PDE3B: variants seen among roughly 807,000 people sequenced by gnomAD.
PDE3B encodes the protein phosphodiesterase 3B.
A neutral mutation model predicts 116.8 loss-of-function variants in PDE3B; 66 were observed. The ratio of observed to expected loss-of-function variants is 0.56; its 90% CI spans 0.46 to 0.69. PDE3B has a LOEUF of 0.69. PDE3B is among the 30% of genes least tolerant of loss of function. PDE3B has a pLI of 0.00. For missense variants in PDE3B, 1,384 were observed against 1,368.1 expected (o/e 1.01, Z -0.18); for synonymous variants, 595 against 533.6 (o/e 1.12, Z -1.59).
chr11:14,710,037 A>G (rs971756092), intron 1 of PDE3B, among the ~76,000 whole-genome samples: 4 of 152,192 alleles, frequency 2.6e-5, no homozygotes, highest in African/African-American at 9.7e-5. Flanking sequence ...TTGTAGCATA[A>G]AGTCATAGTC....
the PDE3B span, chr11:14,885,854 C>A: frequency 3.1e-6 from 5 of 1,613,360 alleles, no homozygotes; most frequent in Admixed American, 1.7e-5. Context: ...ACAAGGCATT[C>A]CTTTACTACA....
In PDE3B at chr11:14,644,381, T is replaced by C. The variant is rs1402466780; in HGVS notation, c.306T>C (p.Ala102=). 1 of 1,601,766 alleles carries C rather than the reference T, an allele frequency of 6.2e-7. No homozygotes were observed. Among genetic ancestry groups the C allele is most frequent in the South Asian group, 1.1e-5 (1 of 89,626 alleles). The change falls in exon 1 of 16, where the codon GCT becomes GCC. Residue 102 remains alanine (A), a synonymous_variant. Coordinates refer to ENST00000282096, the MANE Select transcript of PDE3B (RefSeq NM_000922.4). The part of the protein sequence containing the change: ...LLLGAEPESW[A]AGAAWLRTLL... ...TGGGCGCGGAACCCGAGAGCTGGGC[T>C]GCCGGGGCCGCCTGGCTGCGGACGC...
rs1285869391 is a variant in PDE3B at position 14,718,516 on chromosome 11, T to G, written c.979-53421T>G. Among the ~76,000 whole-genome samples the G allele has an allele frequency of 1.3e-4, 19 of 149,034 alleles. No individual in the cohort carries two copies. The South Asian group carries it at 3.7e-3, about 29-fold the overall frequency. ...CCTATTCCAAAATTGACCACATAGT[T>G]GGAAGTAAAGCTCTCCTCAGCAAAT... is the stretch of plus-strand genomic sequence containing the variant. On this transcript the variant is annotated intron_variant, in intron 1 of 15. Coordinates refer to ENST00000282096, the MANE Select transcript of PDE3B (RefSeq NM_000922.4).
intron 1 of PDE3B, chr11:14,699,362 T>G (rs1485244394): frequency 1.3e-5 from 2 of 151,898 alleles, no homozygotes; most frequent in Non-Finnish European, 2.9e-5. Context: ...AGGTGAGTTT[T>G]AAGATGAATC....
chr11:14,873,283 A>G (rs531993105), downstream of PDE3B, among the ~76,000 whole-genome samples: 1 of 152,224 alleles, frequency 6.6e-6, no homozygotes, highest in Non-Finnish European at 1.5e-5. Context: ...TCTATTTTGT[A>G]GAATGAAAGT....
At chr11:14,767,111 T>C (rs1465627795) in intron 1 of PDE3B, among the ~76,000 whole-genome samples, 2 of 151,612 alleles carry the variant, frequency 1.3e-5, no homozygotes, top group Non-Finnish European at 3.0e-5. Flanking sequence ...CCTGTGTAGT[T>C]TTTGTCTCTT....
In PDE3B at chr11:14,769,749, G is replaced by T. The variant is rs1053719074; in HGVS notation, c.979-2188G>T. The stretch of plus-strand genomic sequence containing the variant: ...CCAAAGATGTACAGTATATCTGTTT[G>T]TATACTGTAGCCTTTGGAGGGCTAC... On this transcript the variant is annotated intron_variant, in intron 1 of 15. Coordinates refer to ENST00000282096, the MANE Select transcript of PDE3B (RefSeq NM_000922.4). 2.0e-5 allele frequency among the ~76,000 whole-genome samples: 3 copies of T among 147,184 alleles called. No individual in the cohort carries two copies. The South Asian group carries it at 6.4e-4, about 31-fold the overall frequency.
intron 5 of PDE3B, among the ~76,000 whole-genome samples, chr11:14,813,375 C>T (rs1161196210): frequency 6.6e-6 from 1 of 152,150 alleles, no homozygotes; most frequent in Admixed American, 6.5e-5. Flanking sequence ...AGCTTGCCTG[C>T]CTGGATTCCT....
intron 2 of PDE3B, among the ~76,000 whole-genome samples, chr11:14,778,086 A>G (rs916720198): frequency 1.3e-5 from 2 of 152,142 alleles, no homozygotes; most frequent in African/African-American, 4.8e-5. Flanking sequence ...GCAGTCTAAG[A>G]TGGAACTGCA....
At chr11:14,884,537 T>A in the PDE3B span, among the ~76,000 whole-genome samples, 3 of 62,768 alleles carry the variant, frequency 4.8e-5, no homozygotes, top group African/African-American at 1.3e-4. Context: ...TGTTGTGGGG[T>A]GGGGGGAGGG....
At chr11:14,799,016 G>A (rs1858656557) in intron 4 of PDE3B, among the ~76,000 whole-genome samples, 1 of 152,060 alleles carries the variant, frequency 6.6e-6, no homozygotes, top group Non-Finnish European at 1.5e-5. Context: ...TCTTTTAATT[G>A]TGATGTTAGG....
At chr11:14,874,103 T>G (rs1848168909), downstream of PDE3B, among the ~76,000 whole-genome samples, 4 of 152,338 alleles carry the variant, frequency 2.6e-5, no homozygotes, top group Admixed American at 2.0e-4. Context: ...GTAACTATTA[T>G]AAAGTCCTTA....
At chr11:14,651,893 T>C (rs764840670) in intron 1 of PDE3B, among the ~76,000 whole-genome samples, 22 of 152,216 alleles carry the variant, frequency 1.4e-4, no homozygotes, top group Non-Finnish European at 2.9e-4. Context: ...ACTATCTTAG[T>C]TATAATAGCT....
intron 1 of PDE3B, among the ~76,000 whole-genome samples, chr11:14,712,608 C>T (rs899310016): frequency 3.3e-5 from 5 of 150,974 alleles, no homozygotes; most frequent in African/African-American, 4.9e-5. Flanking sequence ...CCGAGTAGCT[C>T]GGCTTACAGG....
At chr11:14,723,154 G>A (rs1172545430) in intron 1 of PDE3B, among the ~76,000 whole-genome samples, 1 of 152,150 alleles carries the variant, frequency 6.6e-6, no homozygotes, top group African/African-American at 2.4e-5. Flanking sequence ...GTATCATTTA[G>A]TCCTTACAGA....
the PDE3B span, chr11:14,891,895 G>A: frequency 6.6e-7 from 1 of 1,506,500 alleles, no homozygotes; most frequent in African/African-American, 1.4e-5. Flanking sequence ...TCGGCCCAGG[G>A]GCGGCCATAA....
At chr11:14,891,644 A>T in the PDE3B span, 89 of 1,132,990 alleles carry the variant, frequency 7.9e-5, 1 homozygote, top group Admixed American at 4.1e-3. Flanking sequence ...GCATGCGTCC[A>T]CCCTGGACCT....
chr11:14,872,712 A>T (rs1414663664), downstream of PDE3B, among the ~76,000 whole-genome samples: 2 of 152,212 alleles, frequency 1.3e-5, no homozygotes, highest in African/African-American at 2.4e-5. Flanking sequence ...AGCTATAAAA[A>T]TCTTCACATA....
At chr11:14,692,599 G>A (rs1469069647) in intron 1 of PDE3B, among the ~76,000 whole-genome samples, 1 of 152,004 alleles carries the variant, frequency 6.6e-6, no homozygotes, top group African/African-American at 2.4e-5. Context: ...GACTATTTGT[G>A]ATCAGCGATC....
Sources: allele counts gnomAD v4.1 joint callset (sites outside exome capture counted in the v4.1 genomes callset), GRCh38; gene constraint gnomAD v4.1.1; transcripts MANE v1.5; gene names NCBI Gene and HGNC (gene_info 2026-07-23, HGNC 2026-07-21).